The following A4GALT variants were observed in gnomAD, a reference collection of about 807,000 sequenced individuals.
The protein encoded by A4GALT is lactosylceramide 4-alpha-galactosyltransferase.
For synonymous variants in A4GALT, 257 were observed against 220.7 expected (o/e 1.16, Z -1.46); for missense variants, 512 against 486.0 (o/e 1.05, Z -0.50).
chr22:42,705,838 A>G (rs1032846939), intron 1 of A4GALT, among the ~76,000 whole-genome samples: 1 of 122,266 alleles, frequency 8.2e-6, no homozygotes, highest in African/African-American at 2.6e-5. Flanking sequence ...CCCCATCTCC[A>G]TTAAAAATAC....
At chr22:42,716,570 G>A (rs1467611065) in intron 1 of A4GALT, among the ~76,000 whole-genome samples, 2 of 152,192 alleles carry the variant, frequency 1.3e-5, no homozygotes, top group Admixed American at 6.5e-5. Flanking sequence ...CTGGGCAGCG[G>A]CAGAGCGGGG....
intron 1 of A4GALT, among the ~76,000 whole-genome samples, chr22:42,707,262 T>A (rs73174931): frequency 0.045 from 6,868 of 152,220 alleles, 220 homozygotes; most frequent in Middle Eastern, 0.071. Flanking sequence ...AAAAATATTT[T>A]AAAAATTTAT....
intron 1 of A4GALT, among the ~76,000 whole-genome samples, chr22:42,703,131 T>TGTGTGTGTGTGTG (rs1199735544): frequency 6.6e-6 from 1 of 151,576 alleles, no homozygotes; most frequent in African/African-American, 2.4e-5. Flanking sequence ...TGTGTGTGTG[T>TGTGTGTGTGTGTG]GTGTGTGTGT....
chr22:42,718,748 TC>T (rs1922426017), intron 1 of A4GALT, among the ~76,000 whole-genome samples: 1 of 152,142 alleles, frequency 6.6e-6, no homozygotes, highest in South Asian at 2.1e-4. Context: ...CAAGGGTCCT[TC>T]CCTCCAGGAG....
chr22:42,693,104 G>C lies in A4GALT; in HGVS notation c.848C>G (p.Ala283Gly), dbSNP rs1930583349. ...GTCCTGCCAGGGGATGGGGTAGAAGGCCTCAGGGGGCAGGGTGGTGACGCC... is the reference window on the plus strand; with the variant it reads ...GTCCTGCCAGGGGATGGGGTAGAAGCCCTCAGGGGGCAGGGTGGTGACGCC... ...CRGVTTLPPE[A>G]FYPIPWQDWK... The change falls in exon 3 of 3, where the codon GCC becomes GGC. Residue 283 changes from alanine (A) to glycine (G), a missense_variant. Coordinates refer to ENST00000642412, the MANE Select transcript of A4GALT (RefSeq NM_017436.7). The C allele has an allele frequency of 6.2e-7, 1 of 1,612,200 alleles. No homozygotes were observed. Among genetic ancestry groups the C allele is most frequent in the East Asian group, 2.2e-5 (1 of 44,802 alleles).
In A4GALT at chr22:42,693,772, G is replaced by C. The variant is rs1218841894; in HGVS notation, c.180C>G (p.Pro60=). 3 of 1,602,446 alleles carry C rather than the reference G, an allele frequency of 1.9e-6. No individual in the cohort carries two copies. The highest frequency in any genetic ancestry group is 1.7e-5 in the Admixed American group (1 of 58,524). Residue 60 remains proline, a synonymous_variant, in exon 3 of 3, where the codon CCC becomes CCG. Transcript: ENST00000642412. The stretch of plus-strand genomic sequence containing the variant: ...GGGTGGGGGGTGTCAAGGTGGGGCA[G>C]GGGATCTCTGCTGGCAGGTTATAGA... ...GQLYNLPAEI[P]CPTLTPPTPP... is the part of the protein sequence containing the mutation.
rs1239907833 is a variant in A4GALT, at chr22:42,720,439, G to A, written c.-188+358C>T. Among the ~76,000 whole-genome samples the A allele has an allele frequency of 2.6e-5, 4 of 152,086 alleles. No individual in the cohort carries two copies. In the South Asian group the frequency reaches 6.2e-4, roughly 24 times the overall value. On this transcript the variant is annotated intron_variant, in intron 1 of 2. Transcript: ENST00000642412. Reference sequence around the variant, plus strand: ...GACTCACCCACGGTGGCCGGGCAGAGCCTGCCTCGAACCCGGCTTCTCCCC... The same window carrying A: ...GACTCACCCACGGTGGCCGGGCAGAACCTGCCTCGAACCCGGCTTCTCCCC...
At chr22:42,714,064 G>A (rs922307818) in intron 1 of A4GALT, among the ~76,000 whole-genome samples, 1 of 151,982 alleles carries the variant, frequency 6.6e-6, no homozygotes, top group Admixed American at 6.6e-5. Flanking sequence ...GGCTGAGGCA[G>A]GAGAATCTTG....
intron 1 of A4GALT, among the ~76,000 whole-genome samples, chr22:42,698,266 C>A (rs1290586892): frequency 7.3e-6 from 1 of 137,712 alleles, no homozygotes; most frequent in Non-Finnish European, 1.6e-5. Context: ...AAAAAAAAAT[C>A]GAGAGGTGCA....
rs1216135261 is a variant in A4GALT, at chr22:42,692,944, C to T, written c.1008G>A (p.Gln336=). Residue 336 remains glutamine (Q), a synonymous_variant, in exon 3 of 3, where the codon CAG becomes CAA. Transcript: ENST00000642412. This position sits in a 1 kb window ranked among gnomAD's most constrained non-coding sequence, Gnocchi z 4.6. ...FEATSRALLA[Q]LHARYCPTTH... ...TCGTGGGGCAGTAGCGGGCATGCAG[C>T]TGGGCCAGCAGTGCCCTGGACGTGG... The T allele has an allele frequency of 6.2e-7, 1 of 1,611,118 alleles. No homozygotes were observed. The highest frequency in any genetic ancestry group is 1.7e-5 in the Admixed American group (1 of 60,020).
Position 42,693,390 on chromosome 22 carries a change from C to T in A4GALT, c.562G>A (p.Gly188Ser), listed in dbSNP as rs756072106. The T allele has an allele frequency of 9.9e-6, 16 of 1,613,196 alleles. No individual in the cohort carries two copies. The highest frequency in any genetic ancestry group is 1.7e-5 in the Admixed American group (1 of 59,996). Reference protein sequence around the residue: ...SRIALMWKFGGIYLDTDFIVL... With the variant: ...SRIALMWKFGSIYLDTDFIVL... ...ATGAAGTCCGTGTCCAGGTAGATGC[C>T]GCCGAACTTCCACATGAGTGCGATC... Residue 188 changes from glycine to serine, a missense_variant, in exon 3 of 3, where the codon GGC (glycine) becomes AGC (serine). Coordinates refer to ENST00000642412, the MANE Select transcript of A4GALT (RefSeq NM_017436.7).
chr22:42,706,263 G>A (rs1200608569), intron 1 of A4GALT, among the ~76,000 whole-genome samples: 2 of 146,344 alleles, frequency 1.4e-5, no homozygotes, highest in Non-Finnish European at 3.0e-5. Flanking sequence ...GCTGAGGCAG[G>A]AGAATGGTGT....
At chr22:42,703,978 C>A (rs1055582596) in intron 1 of A4GALT, among the ~76,000 whole-genome samples, 15 of 152,152 alleles carry the variant, frequency 9.9e-5, no homozygotes, top group South Asian at 2.1e-4. Context: ...CTGCTTTGTC[C>A]ATCAAAGGAG....
At chr22:42,702,780 G>C (rs1388857541) in intron 1 of A4GALT, among the ~76,000 whole-genome samples, 1 of 143,626 alleles carries the variant, frequency 7.0e-6, no homozygotes, top group Non-Finnish European at 1.5e-5. Context: ...AAGGTGGAAC[G>C]CCCACCGGGT....
chr22:42,699,153 G>A (rs1035917103), intron 1 of A4GALT, among the ~76,000 whole-genome samples: 3 of 151,648 alleles, frequency 2.0e-5, no homozygotes, highest in African/African-American at 7.3e-5. Flanking sequence ...GCCCGATCTC[G>A]GTTCACTAAA....
intron 1 of A4GALT, among the ~76,000 whole-genome samples, chr22:42,701,777 G>C (rs1011375177): frequency 6.6e-6 from 1 of 152,174 alleles, no homozygotes; most frequent in Non-Finnish European, 1.5e-5. Flanking sequence ...GCAGAGGTAT[G>C]TGCTTCCCAT....
intron 1 of A4GALT, among the ~76,000 whole-genome samples, chr22:42,701,220 C>T (rs2146983447): frequency 6.6e-6 from 1 of 152,328 alleles, no homozygotes; most frequent in Admixed American, 6.5e-5. Flanking sequence ...ACCAACATAC[C>T]TGAGCTTCCT....
intron 1 of A4GALT, among the ~76,000 whole-genome samples, chr22:42,709,251 C>T (rs936945429): frequency 1.0e-4 from 15 of 147,562 alleles, no homozygotes; most frequent in Non-Finnish European, 2.2e-4. Flanking sequence ...GGGGTTTCAC[C>T]GTGTTACCCA....
rs135106 is a variant in A4GALT, at chr22:42,692,429, C to T, written c.*461G>A. 0.076 allele frequency: 25,063 copies of T among 329,402 alleles called. 1,218 individuals carry two copies. Among genetic ancestry groups the T allele is most frequent in the African/African-American group, 0.096 (4,452 of 46,198 alleles). The allele number at this position is 329,402 out of a possible 1,614,324, so 20.4% of individuals were successfully genotyped here. On this transcript the variant is annotated 3_prime_UTR_variant, in exon 3 of 3. Transcript: ENST00000642412. The surrounding 1 kb of genome is among the most constrained non-coding windows in gnomAD (Gnocchi z 4.6). ...GAACCAAAACCAGAAAAGAACAAAG[C>T]ATCCTCCGCCCCGGACCCTTGGGGC...
Sources: allele counts gnomAD v4.1 joint callset (sites outside exome capture counted in the v4.1 genomes callset), GRCh38; gene constraint gnomAD v4.1.1; non-coding constraint Gnocchi (gnomAD v3.1); transcripts MANE v1.5; gene names NCBI Gene and HGNC (gene_info 2026-07-23, HGNC 2026-07-21).